The following SF3B4 variants were observed in gnomAD, a reference collection of about 807,000 sequenced individuals.
SF3B4 encodes the protein SAP 49.
Under a neutral mutation model 34.3 loss-of-function variants are expected in SF3B4, and 3 were observed. That is an observed-to-expected ratio of 0.09 (90% CI 0.04 to 0.23). SF3B4 has a LOEUF of 0.23. Among genes scored for constraint, SF3B4 ranks in the 10% least tolerant of loss-of-function variants. SF3B4 has a pLI of 1.00. For missense variants in SF3B4, 283 were observed against 567.2 expected (o/e 0.50, Z 5.09); for synonymous variants, 216 against 207.8 (o/e 1.04, Z -0.34).
rs1553766148 is a variant in SF3B4, at chr1:149,927,197, C to T, written c.132G>A (p.Met44Ile). ...GCTGGCCAGTGACTCTATCCTTTGG[C>T]ATGTGGGTGTTGACTACTGGTCCAG... ...LQAGPVVNTHMPKDRVTGQHQ... is the reference protein window; with the variant it reads ...LQAGPVVNTHIPKDRVTGQHQ... The change falls in exon 2 of 6, where the codon ATG becomes ATA. Residue 44 changes from methionine to isoleucine, a missense_variant. Met to Ile is a conservative substitution (Grantham distance 10, BLOSUM62 1). This residue lies in a region of SF3B4 where 39 missense variants were observed against 127.3 expected (regional missense o/e 0.31). Transcript: ENST00000271628. The T allele has an allele frequency of 6.2e-7, 1 of 1,613,996 alleles. No individual in the cohort carries two copies.
rs2092567701 is a variant in SF3B4 at position 149,923,471 on chromosome 1, A to T, written c.*71T>A. On this transcript the variant is annotated 3_prime_UTR_variant, in exon 6 of 6. Transcript: ENST00000271628. ...TAGTACCTTTGCCCCAAGGAGCTAC[A>T]GCATCTCTGATTGGTCCAAGGAATA... 2.4e-6 allele frequency: 3 copies of T among 1,242,048 alleles called. No homozygotes were observed. Among genetic ancestry groups the T allele is most frequent in the African/African-American group, 3.1e-5 (2 of 63,586 alleles). 76.9% of individuals were successfully genotyped at this position (1,242,048 alleles called of 1,614,324 possible). A position where few individuals can be genotyped will look rare whatever the true frequency, so the allele number is the denominator to read the frequency against.
rs2092591875 is a variant in SF3B4 at position 149,926,698 on chromosome 1, T to C, written c.384A>G (p.Gln128=). ...DTFSAFGVIL[Q]TPKIMRDPDT... ...CAGGGTCCCGCATAATTTTGGGGGT[T>C]TGTAAGATGACCCCAAAGGCGCTGA... The change falls in exon 3 of 6, where the codon CAA becomes CAG. Residue 128 remains glutamine, a synonymous_variant. Transcript: ENST00000271628. The surrounding 1 kb of genome is among the most constrained non-coding windows in gnomAD (Gnocchi z 6.2). 1 of 1,613,976 alleles carries C rather than the reference T, an allele frequency of 6.2e-7. No individual in the cohort carries two copies. The highest frequency in any genetic ancestry group is 1.3e-5 in the African/African-American group (1 of 74,898).
intron 4 of SF3B4, 130 bp from the exon 5 acceptor site, chr1:149,924,144 A>G (rs925399530): frequency 2.4e-6 from 2 of 828,510 alleles, no homozygotes; most frequent in African/African-American, 1.8e-5. Flanking sequence ...AAAAGGGTAT[A>G]GAAAATAAGG....
chr1:149,927,316 G>A (rs782298773), intron 1 of SF3B4, 22 bp from the exon 2 acceptor site: 29 of 1,611,524 alleles, frequency 1.8e-5, no homozygotes, highest in Non-Finnish European at 2.3e-5. Flanking sequence ...GGAGCAAAAA[G>A]AGCAAGCGTG....
At position 149,926,218 on chromosome 1, in the gene SF3B4, C is replaced by A. The variant is rs1559798622; in HGVS notation, c.706+158G>T. ...CCAACTTCACCCTCCTAAAGAAACCCAACAACTTTCTTCTTCACCACTACC... is the reference window on the plus strand; with the variant it reads ...CCAACTTCACCCTCCTAAAGAAACCAAACAACTTTCTTCTTCACCACTACC... On this transcript the variant is annotated intron_variant, in intron 3 of 5. Transcript: ENST00000271628. The surrounding 1 kb of genome is among the most constrained non-coding windows in gnomAD (Gnocchi z 6.2). Among the ~76,000 whole-genome samples, 1 of 152,078 alleles carries A rather than the reference C, an allele frequency of 6.6e-6. No individual in the cohort carries two copies. Among genetic ancestry groups the A allele is most frequent in the African/African-American group, 2.4e-5 (1 of 41,396 alleles).
chr1:149,926,169 C>T lies in SF3B4; in HGVS notation c.707-127G>A. 1.4e-6 allele frequency: 1 copy of T among 700,360 alleles called. No individual in the cohort carries two copies. The highest frequency in any genetic ancestry group is 2.4e-6 in the Non-Finnish European group (1 of 424,394). 43.4% of individuals were successfully genotyped at this position (700,360 alleles called of 1,614,324 possible). A position where few individuals can be genotyped will look rare whatever the true frequency, so the allele number is the denominator to read the frequency against. Reference sequence around the variant, plus strand: ...CCCCCTCCTCCCAGTGCTCTAAAATCAAAAGCAATGTTAGAAAAGTCAACC... The same window carrying T: ...CCCCCTCCTCCCAGTGCTCTAAAATTAAAAGCAATGTTAGAAAAGTCAACC... On this transcript the variant is annotated intron_variant, in intron 3 of 5. Transcript: ENST00000271628. This position sits in a 1 kb window ranked among gnomAD's most constrained non-coding sequence, Gnocchi z 6.2.
At chr1:149,925,647 G>C in intron 4 of SF3B4, 189 bp downstream of exon 4, 3 of 675,906 alleles carry the variant, frequency 4.4e-6, no homozygotes, top group Non-Finnish European at 5.4e-6. Flanking sequence ...CTACTTGTCA[G>C]AAAAACTTAA....
In SF3B4 at chr1:149,926,304, G is replaced by T; in HGVS notation, c.706+72C>A. On this transcript the variant is annotated intron_variant, in intron 3 of 5. Transcript: ENST00000271628. This position sits in a 1 kb window ranked among gnomAD's most constrained non-coding sequence, Gnocchi z 6.2. Reference sequence around the variant, plus strand: ...CTCAATGTCCCCTGTCCCCCTTTCAGACTTGTTTTCTTCTTCCTCCTGACC... The same window carrying T: ...CTCAATGTCCCCTGTCCCCCTTTCATACTTGTTTTCTTCTTCCTCCTGACC... 1 of 1,368,982 alleles carries T rather than the reference G, an allele frequency of 7.3e-7. No individual in the cohort carries two copies. Among genetic ancestry groups the T allele is most frequent in the Non-Finnish European group, 1.0e-6 (1 of 995,394 alleles). 84.8% of individuals were successfully genotyped at this position (1,368,982 alleles called of 1,614,324 possible). A position where few individuals can be genotyped will look rare whatever the true frequency, so the allele number is the denominator to read the frequency against.
intron 1 of SF3B4, 29 bp downstream of exon 1, chr1:149,927,697 C>A: frequency 6.4e-7 from 1 of 1,551,950 alleles, no homozygotes; most frequent in South Asian, 1.2e-5. Flanking sequence ...CCACGCTGAG[C>A]CCATTCCAGA....
At chr1:149,927,317 A>G (rs587657536) in intron 1 of SF3B4, 23 bp from the exon 2 acceptor site, 6 of 1,611,718 alleles carry the variant, frequency 3.7e-6, no homozygotes, top group Non-Finnish European at 5.1e-6. Flanking sequence ...GAGCAAAAAG[A>G]GCAAGCGTGA....
intron 4 of SF3B4, among the ~76,000 whole-genome samples, chr1:149,925,245 C>T (rs1257224554): frequency 6.6e-6 from 1 of 152,062 alleles, no homozygotes; most frequent in Non-Finnish European, 1.5e-5. Flanking sequence ...ATGACGCTAT[C>T]TATTAAGCAG....
Position 149,923,418 on chromosome 1 carries a change from G to C in SF3B4, c.*124C>G. On this transcript the variant is annotated 3_prime_UTR_variant, in exon 6 of 6. Transcript: ENST00000271628. Reference sequence around the variant, plus strand: ...TGTGGAAAAAGTTACATTAAAAAGGGGAATGGAGTGGGGGTGCTGAAAGGG... The same window carrying C: ...TGTGGAAAAAGTTACATTAAAAAGGCGAATGGAGTGGGGGTGCTGAAAGGG... 2 of 684,786 alleles carry C rather than the reference G, an allele frequency of 2.9e-6. No individual in the cohort carries two copies. The highest frequency in any genetic ancestry group is 3.9e-4 in the Middle Eastern group (1 of 2,576). The allele number at this position is 684,786 out of a possible 1,614,324, so 42.4% of individuals were successfully genotyped here. A position where few individuals can be genotyped will look rare whatever the true frequency, so the allele number is the denominator to read the frequency against.
chr1:149,927,069 A>T, intron 2 of SF3B4, 97 bp downstream of exon 2: 1 of 1,533,494 alleles, frequency 6.5e-7, no homozygotes, highest in Non-Finnish European at 8.8e-7. Flanking sequence ...GAGAGGCTTA[A>T]AAGAAAAAAA....
chr1:149,926,676 G>A lies in SF3B4; in HGVS notation c.406C>T (p.Pro136Ser). Residue 136 changes from proline to serine, a missense_variant, in exon 3 of 6, where the codon CCT (proline) becomes TCT (serine). Coordinates refer to ENST00000271628, the MANE Select transcript of SF3B4 (RefSeq NM_005850.5). The surrounding 1 kb of genome is among the most constrained non-coding windows in gnomAD (Gnocchi z 6.2). ...TAACCTTTGGAGTTGCCTGTGTCAG[G>A]GTCCCGCATAATTTTGGGGGTTTGT... ...ILQTPKIMRD[P>S]DTGNSKGYAF... 2.0e-5 allele frequency: 33 copies of A among 1,614,124 alleles called. No homozygotes were observed. Among genetic ancestry groups the A allele is most frequent in the Non-Finnish European group, 2.8e-5 (33 of 1,179,990 alleles).
intron 4 of SF3B4, 156 bp downstream of exon 4, chr1:149,925,680 T>A: frequency 1.4e-6 from 1 of 721,568 alleles, no homozygotes; most frequent in East Asian, 2.7e-5. Context: ...GGGTGGTAGA[T>A]GTTAGAGAGC....
In SF3B4 at chr1:149,926,755, A is replaced by G. The variant is rs2092592203; in HGVS notation, c.327T>C (p.Pro109=). Residue 109 remains proline, a synonymous_variant, in exon 3 of 6, where the codon CCT becomes CCC. Coordinates refer to ENST00000271628, the MANE Select transcript of SF3B4 (RefSeq NM_005850.5). This position sits in a 1 kb window ranked among gnomAD's most constrained non-coding sequence, Gnocchi z 6.2. ...CATAAAGCAACTTCTCATCAATCTC[A>G]GGGTCCAGGTTCCCAATGAAAATGT... ...GANIFIGNLD[P]EIDEKLLYDT... 6.2e-7 allele frequency: 1 copy of G among 1,612,870 alleles called. No homozygotes were observed. The highest frequency in any genetic ancestry group is 8.5e-7 in the Non-Finnish European group (1 of 1,179,004).
chr1:149,925,513 G>A, intron 4 of SF3B4: 1 of 319,408 alleles, frequency 3.1e-6, no homozygotes, highest in Non-Finnish European at 6.0e-6. Context: ...AAGTATATCA[G>A]AGGTCAAACT....
chr1:149,925,555 G>A, intron 4 of SF3B4: 1 of 413,576 alleles, frequency 2.4e-6, no homozygotes, highest in Non-Finnish European at 4.5e-6. Context: ...CCGAGATTTG[G>A]CAATTAGGTC....
intron 4 of SF3B4, 50 bp downstream of exon 4, chr1:149,925,786 G>C (rs1445753470): frequency 1.4e-6 from 2 of 1,400,496 alleles, no homozygotes; most frequent in East Asian, 2.3e-5. Context: ...AGTGGTAACA[G>C]AGATGCTCTA....
Sources: gnomAD v4.1 joint callset for allele counts (sites outside exome capture counted in the v4.1 genomes callset) on GRCh38, gnomAD v4.1.1 for gene constraint, gnomAD v4.1.1 regional missense constraint, Gnocchi (gnomAD v3.1) non-coding constraint, MANE v1.5 for transcripts, NCBI Gene and HGNC (gene_info 2026-07-23, HGNC 2026-07-21) for gene names.